The following BNC2 variants were observed in gnomAD, a reference collection of about 807,000 sequenced individuals.
The protein encoded by BNC2 is basonuclin zinc finger protein 2, also known as zinc finger protein basonuclin-2.
Under a neutral mutation model 76.3 loss-of-function variants are expected in BNC2, and 20 were observed. The ratio of observed to expected loss-of-function variants is 0.26; its 90% confidence interval spans 0.18 to 0.38. BNC2 has a LOEUF of 0.38. Among genes scored for constraint, BNC2 ranks in the 10% least tolerant of loss-of-function variants. BNC2 has a pLI of 1.00. For missense variants in BNC2, 1,382 were observed against 1,399.8 expected (o/e 0.99, Z 0.20); for synonymous variants, 582 against 514.8 (o/e 1.13, Z -1.77).
intron 6 of BNC2, chr9:16,431,571 A>G: frequency 2.7e-6 from 1 of 363,692 alleles, no homozygotes; most frequent in Non-Finnish European, 6.0e-6. Context: ...CAGCAGACAG[A>G]TCAAGGGATA....
chr9:16,554,951 C>T (rs552845511), intron 4 of BNC2, among the ~76,000 whole-genome samples: 2 of 152,082 alleles, frequency 1.3e-5, no homozygotes, highest in Non-Finnish European at 2.9e-5. Flanking sequence ...TGTGCAAATG[C>T]GTTCAAATTG....
At chr9:16,537,731 G>C (rs1818173589) in intron 5 of BNC2, among the ~76,000 whole-genome samples, 1 of 152,132 alleles carries the variant, frequency 6.6e-6, no homozygotes, top group East Asian at 1.9e-4. Flanking sequence ...TGTGGCATAG[G>C]CAAATCTAAA....
chr9:16,765,625 A>G (rs577319080), intron 1 of BNC2, among the ~76,000 whole-genome samples: 1 of 152,056 alleles, frequency 6.6e-6, no homozygotes, highest in Admixed American at 6.5e-5. Flanking sequence ...TTTAAAACCA[A>G]CCCCAAACTC....
intron 1 of BNC2, among the ~76,000 whole-genome samples, chr9:16,848,574 T>C (rs551211330): frequency 6.6e-6 from 1 of 152,236 alleles, no homozygotes; most frequent in South Asian, 2.1e-4. Flanking sequence ...CAGGTTTTGG[T>C]CCAGCAGAAC....
chr9:16,428,676 C>A (rs1231009976), intron 6 of BNC2, among the ~76,000 whole-genome samples: 1 of 150,718 alleles, frequency 6.6e-6, no homozygotes, highest in South Asian at 2.1e-4. Context: ...CTTTTTTTTT[C>A]TTTCCTAAGG....
At chr9:16,798,668 C>G (rs1473471453) in intron 1 of BNC2, among the ~76,000 whole-genome samples, 1 of 152,092 alleles carries the variant, frequency 6.6e-6, no homozygotes, top group Admixed American at 6.5e-5. Context: ...AGACAGCAGG[C>G]AGGTAAATTT....
At chr9:16,749,310 T>C (rs1387966029) in intron 1 of BNC2, among the ~76,000 whole-genome samples, 1 of 152,184 alleles carries the variant, frequency 6.6e-6, no homozygotes, top group Non-Finnish European at 1.5e-5. Context: ...AGTTATAATA[T>C]ATCCAGGAAC....
chr9:16,849,040 G>C (rs556038474), intron 1 of BNC2, among the ~76,000 whole-genome samples: 6 of 152,154 alleles, frequency 3.9e-5, no homozygotes, highest in Admixed American at 6.5e-5. Flanking sequence ...TCTGAATTTT[G>C]GTCCCAAGCA....
Position 16,816,791 on chromosome 9 carries a change from T to A in BNC2, c.3+53855A>T, listed in dbSNP as rs540486576. 3.3e-5 allele frequency among the ~76,000 whole-genome samples: 5 copies of A among 152,316 alleles called. No homozygotes were observed. The South Asian group carries it at 8.3e-4, about 25-fold the overall frequency. On this transcript the variant is annotated intron_variant, in intron 1 of 6. Coordinates refer to ENST00000380672, the MANE Select transcript of BNC2 (RefSeq NM_017637.6). ...TCAGGCCCAAGTATGTAGTCTTACATGTGCGGTCTAAAGATGCTCAAAGCA... is the reference window on the plus strand; with the variant it reads ...TCAGGCCCAAGTATGTAGTCTTACAAGTGCGGTCTAAAGATGCTCAAAGCA...
intron 4 of BNC2, 28 bp from the exon 5 acceptor site, chr9:16,552,793 G>C (rs1436215063): frequency 6.4e-7 from 1 of 1,563,694 alleles, no homozygotes; most frequent in Non-Finnish European, 8.8e-7. Context: ...AAGTTCCAGA[G>C]ATGGGGGTGT....
chr9:16,720,143 C>A (rs530471012), intron 3 of BNC2, among the ~76,000 whole-genome samples: 1 of 152,178 alleles, frequency 6.6e-6, no homozygotes, highest in Non-Finnish European at 1.5e-5. Context: ...CAGCAACACT[C>A]GAGACAGTCC....
intron 3 of BNC2, among the ~76,000 whole-genome samples, chr9:16,638,311 A>G (rs1018185188): frequency 1.3e-5 from 2 of 152,232 alleles, no homozygotes; most frequent in African/African-American, 4.8e-5. Flanking sequence ...TTTCATCAAC[A>G]AAGTTGTTTC....
intron 1 of BNC2, among the ~76,000 whole-genome samples, chr9:16,743,192 G>C (rs1242548991): frequency 6.6e-6 from 1 of 152,128 alleles, no homozygotes; most frequent in Non-Finnish European, 1.5e-5. Context: ...ACCAACGATG[G>C]CTTGCATTTG....
In BNC2 at chr9:16,685,298, C is replaced by T. The variant is rs1013834409; in HGVS notation, c.330+42499G>A. Among the ~76,000 whole-genome samples the T allele has an allele frequency of 7.2e-5, 11 of 152,326 alleles. No individual in the cohort carries two copies. The South Asian group carries it at 2.1e-3, about 29-fold the overall frequency. ...GCAACTTGTATCAACTCTAGGTAGT[C>T]AACCTTCAGAGACCATGTACTTACT... On this transcript the variant is annotated intron_variant, in intron 3 of 6. Coordinates refer to ENST00000380672, the MANE Select transcript of BNC2 (RefSeq NM_017637.6).
rs185462387 is a variant in BNC2, at chr9:16,799,439, C to T, written c.4-60954G>A. ...AAGCCATTCTCCTGCCTCAGCCTCC[C>T]AAGTAGCTGGGATTACCAGCACCTG... On this transcript the variant is annotated intron_variant, in intron 1 of 6. Transcript: ENST00000380672. Among the ~76,000 whole-genome samples, 1,073 of 152,162 alleles carry T rather than the reference C, an allele frequency of 7.1e-3. 16 individuals carry two copies. Among genetic ancestry groups the T allele is most frequent in the African/African-American group, 0.024 (993 of 41,538 alleles).
intron 1 of BNC2, among the ~76,000 whole-genome samples, chr9:16,774,858 C>A (rs969594686): frequency 6.6e-6 from 1 of 152,154 alleles, no homozygotes; most frequent in South Asian, 2.1e-4. Flanking sequence ...CTGGCCTATC[C>A]CACAAAAGAC....
intron 1 of BNC2, among the ~76,000 whole-genome samples, chr9:16,803,613 G>T (rs1372964925): frequency 1.3e-5 from 2 of 152,222 alleles, no homozygotes; most frequent in Non-Finnish European, 2.9e-5. Flanking sequence ...TGATTTACTT[G>T]AAAGCTGCCT....
chr9:16,631,201 G>C (rs925083263), intron 3 of BNC2, among the ~76,000 whole-genome samples: 10 of 151,988 alleles, frequency 6.6e-5, no homozygotes, highest in African/African-American at 2.2e-4. Context: ...TTCATAATTT[G>C]AGCCAAAAAC....
intron 1 of BNC2, among the ~76,000 whole-genome samples, chr9:16,845,006 G>A (rs566650281): frequency 2.0e-5 from 3 of 152,064 alleles, no homozygotes; most frequent in Non-Finnish European, 4.4e-5. Context: ...CACTGTGTAG[G>A]TAGTAGCATC....
Sources: allele counts gnomAD v4.1 joint callset (sites outside exome capture counted in the v4.1 genomes callset), GRCh38; gene constraint gnomAD v4.1.1; transcripts MANE v1.5; gene names NCBI Gene and HGNC (gene_info 2026-07-23, HGNC 2026-07-21).